ROBO2: variants seen among roughly 807,000 people sequenced by gnomAD.
ROBO2 encodes roundabout guidance receptor 2.
A neutral mutation model predicts 160.8 loss-of-function variants in ROBO2; 53 were observed. The observed-to-expected ratio is 0.33, with a 90% confidence interval of 0.26 to 0.41. ROBO2 has a LOEUF of 0.41. ROBO2 is among the 10% of genes least tolerant of loss of function. ROBO2 has a pLI of 1.00. For synonymous variants in ROBO2, 664 were observed against 611.7 expected (o/e 1.09, Z -1.26); for missense variants, 1,577 against 1,722.4 (o/e 0.92, Z 1.49).
chr3:77,122,226 GGT>G (rs149681390), intron 2 of ROBO2, among the ~76,000 whole-genome samples: 1 of 152,044 alleles, frequency 6.6e-6, no homozygotes, highest in Non-Finnish European at 1.5e-5. Context: ...AACACTGAAA[GGT>G]GTGTGTGTGT....
intron 2 of ROBO2, among the ~76,000 whole-genome samples, chr3:76,472,106 T>C (rs1327804469): frequency 3.0e-5 from 2 of 67,308 alleles, no homozygotes; most frequent in South Asian, 4.5e-4. Flanking sequence ...TGTGTGCGCG[T>C]GTGCGTGCGC....
chr3:76,190,944 G>T (rs1701978195), intron 2 of ROBO2, among the ~76,000 whole-genome samples: 1 of 152,028 alleles, frequency 6.6e-6, no homozygotes, highest in Non-Finnish European at 1.5e-5. Flanking sequence ...TTTTTTGTAG[G>T]CATTCAAAGG....
intron 2 of ROBO2, among the ~76,000 whole-genome samples, chr3:76,191,672 C>T (rs564648165): frequency 2.0e-4 from 31 of 152,100 alleles, no homozygotes; most frequent in African/African-American, 6.5e-4. Flanking sequence ...TCTCTACAAG[C>T]GGTTTTTCTT....
chr3:77,021,827 G>T (rs2062655406), intron 2 of ROBO2, among the ~76,000 whole-genome samples: 1 of 152,162 alleles, frequency 6.6e-6, no homozygotes, highest in Non-Finnish European at 1.5e-5. Flanking sequence ...TCTGTCTTGT[G>T]CACTTGCTTG....
chr3:76,183,640 C>A (rs1379664226), intron 2 of ROBO2, among the ~76,000 whole-genome samples: 1 of 151,928 alleles, frequency 6.6e-6, no homozygotes, highest in Non-Finnish European at 1.5e-5. Context: ...AGACAGAGAA[C>A]CTAAAATTTA....
intron 2 of ROBO2, among the ~76,000 whole-genome samples, chr3:77,333,662 T>C (rs1266794335): frequency 6.6e-6 from 1 of 152,202 alleles, no homozygotes; most frequent in African/African-American, 2.4e-5. Flanking sequence ...TTTTTACGAA[T>C]GTGTGTCCAG....
At chr3:76,733,431 A>G (rs2093665515) in intron 2 of ROBO2, among the ~76,000 whole-genome samples, 1 of 152,268 alleles carries the variant, frequency 6.6e-6, no homozygotes, top group Admixed American at 6.5e-5. Context: ...AGGCCAATTC[A>G]CTAAAAGATC....
chr3:76,543,400 T>C lies in ROBO2; in HGVS notation c.110-554614T>C, dbSNP rs995754369. ...AACAACATACACAGAGGAAAGTCCA[T>C]GTAAGGACACAGCAGGAAGCTATTG... On this transcript the variant is annotated intron_variant, in intron 2 of 26. Coordinates refer to the ROBO2 transcript ENST00000487694. Among the ~76,000 whole-genome samples the C allele has an allele frequency of 3.3e-5, 5 of 152,214 alleles. No homozygotes were observed. The East Asian group carries it at 9.7e-4, about 29-fold the overall frequency.
At position 76,935,955 on chromosome 3, in the gene ROBO2, A is replaced by T. The variant is rs200023945; in HGVS notation, c.110-162059A>T. Reference sequence around the variant, plus strand: ...ATCACATTGGCGATTAGGTTTCAACATAAGAATTTAGGTGGGGAGGGGACA... The same window carrying T: ...ATCACATTGGCGATTAGGTTTCAACTTAAGAATTTAGGTGGGGAGGGGACA... On this transcript the variant is annotated intron_variant, in intron 2 of 26. Transcript: ENST00000487694. 4.6e-5 allele frequency among the ~76,000 whole-genome samples: 7 copies of T among 152,320 alleles called. No individual in the cohort carries two copies. The East Asian group carries it at 7.7e-4, about 17-fold the overall frequency.
intron 2 of ROBO2, among the ~76,000 whole-genome samples, chr3:76,298,658 C>T (rs1404598973): frequency 1.3e-5 from 2 of 152,160 alleles, no homozygotes; most frequent in Non-Finnish European, 2.9e-5. Context: ...ACCCTCAAAA[C>T]AACCTCATGG....
chr3:77,082,577 C>T (rs1305147482), intron 1 of ROBO2, among the ~76,000 whole-genome samples: 1 of 151,908 alleles, frequency 6.6e-6, no homozygotes, highest in Non-Finnish European at 1.5e-5. Flanking sequence ...TGATATATTT[C>T]TCCTGTGAAA....
At chr3:76,132,016 C>CTA (rs1160452002) in intron 2 of ROBO2, among the ~76,000 whole-genome samples, 1 of 152,094 alleles carries the variant, frequency 6.6e-6, no homozygotes, top group Non-Finnish European at 1.5e-5. Context: ...GTGCAAACTC[C>CTA]TATAGCCTTC....
chr3:75,980,827 A>C (rs1245899837), intron 2 of ROBO2, among the ~76,000 whole-genome samples: 3 of 151,556 alleles, frequency 2.0e-5, no homozygotes, highest in Non-Finnish European at 4.4e-5. Flanking sequence ...TTTTCTGAAG[A>C]ATACACTGTT....
intron 2 of ROBO2, among the ~76,000 whole-genome samples, chr3:77,163,444 C>CA (rs1278856458): frequency 6.6e-6 from 1 of 152,136 alleles, no homozygotes; most frequent in African/African-American, 2.4e-5. Context: ...ACAGAGAGTC[C>CA]AATAACCCAA....
At chr3:76,106,238 T>C (rs2069925174) in intron 2 of ROBO2, among the ~76,000 whole-genome samples, 1 of 152,120 alleles carries the variant, frequency 6.6e-6, no homozygotes. Flanking sequence ...TATATTCCAG[T>C]TGGATAACCC....
At chr3:76,106,667 A>C (rs2108207149) in intron 2 of ROBO2, among the ~76,000 whole-genome samples, 1 of 152,296 alleles carries the variant, frequency 6.6e-6, no homozygotes, top group Middle Eastern at 3.4e-3. Context: ...AGAGAAGGCA[A>C]GATGAGCCAA....
chr3:76,985,569 C>G (rs1217869471), intron 2 of ROBO2, among the ~76,000 whole-genome samples: 1 of 102,630 alleles, frequency 9.7e-6, no homozygotes, highest in African/African-American at 4.4e-5. Flanking sequence ...AAGCGAGACT[C>G]CGTCTGAAAA....
At chr3:76,394,717 CAA>C (rs2077337190) in intron 2 of ROBO2, among the ~76,000 whole-genome samples, 1 of 151,966 alleles carries the variant, frequency 6.6e-6, no homozygotes, top group African/African-American at 2.4e-5. Context: ...CACCAACGAT[CAA>C]AAGAGACAAA....
At chr3:76,357,510 A>C (rs898540321) in intron 2 of ROBO2, among the ~76,000 whole-genome samples, 16 of 152,028 alleles carry the variant, frequency 1.1e-4, no homozygotes, top group African/African-American at 3.9e-4. Context: ...TAGTGATACA[A>C]ATCTCAACAA....
Sources: gnomAD v4.1 joint callset for allele counts (sites outside exome capture counted in the v4.1 genomes callset) on GRCh38, gnomAD v4.1.1 for gene constraint, MANE v1.5 for transcripts, NCBI Gene and HGNC (gene_info 2026-07-23, HGNC 2026-07-21) for gene names.